FOXN3: variants seen among roughly 807,000 people sequenced by gnomAD.
FOXN3 encodes forkhead box protein N3.
FOXN3 carries 7 observed loss-of-function variants against 38.4 expected under a neutral mutation model. The ratio of observed to expected loss-of-function variants is 0.18; its 90% CI spans 0.10 to 0.34. FOXN3 has a LOEUF of 0.34. FOXN3 is among the 10% of genes least tolerant of loss of function. FOXN3 has a pLI of 1.00. For missense variants in FOXN3, 456 were observed against 613.4 expected (o/e 0.74, Z 2.71); for synonymous variants, 230 against 242.2 (o/e 0.95, Z 0.47).
chr14:89,189,387 A>G (rs943682988), intron 4 of FOXN3, among the ~76,000 whole-genome samples: 21 of 152,210 alleles, frequency 1.4e-4, no homozygotes, highest in Non-Finnish European at 2.2e-4. Context: ...AGGCCTAGCC[A>G]TAAGAAGGAG....
At chr14:89,367,756 C>T (rs1267875875) in intron 2 of FOXN3, among the ~76,000 whole-genome samples, 1 of 152,192 alleles carries the variant, frequency 6.6e-6, no homozygotes, top group Non-Finnish European at 1.5e-5. Context: ...GCAGCAACCA[C>T]GTGGAAAAGG....
chr14:89,510,532 A>T (rs574545845), intron 1 of FOXN3, among the ~76,000 whole-genome samples: 1 of 152,202 alleles, frequency 6.6e-6, no homozygotes, highest in East Asian at 1.9e-4. Context: ...CTCCGATCAC[A>T]CATGAGACCA....
intron 1 of FOXN3, among the ~76,000 whole-genome samples, chr14:89,569,136 T>C (rs940760025): frequency 4.2e-4 from 64 of 151,674 alleles, no homozygotes; most frequent in Non-Finnish European, 3.2e-4. Context: ...ACCTGGGAGG[T>C]GGAGCTTGCA....
Position 89,382,276 on chromosome 14 carries a change from C to T in FOXN3, c.543+29658G>A, listed in dbSNP as rs189643941. Among the ~76,000 whole-genome samples, 510 of 152,114 alleles carry T rather than the reference C, an allele frequency of 3.4e-3. 4 individuals carry two copies. Among genetic ancestry groups the T allele is most frequent in the Non-Finnish European group, 3.1e-3 (214 of 67,994 alleles). On this transcript the variant is annotated intron_variant, in intron 2 of 5. Coordinates refer to ENST00000557258, the MANE Select transcript of FOXN3 (RefSeq NM_005197.4). ...CCTAATTCCATCCTTCATTATAACC[C>T]GGCTGGACCGCTGACCCATCACTCT...
chr14:89,407,234 A>G (rs1891416320), intron 2 of FOXN3, among the ~76,000 whole-genome samples: 1 of 152,234 alleles, frequency 6.6e-6, no homozygotes, highest in South Asian at 2.1e-4. Flanking sequence ...CAAGTACTCT[A>G]TAGTGTAAGC....
chr14:89,229,093 G>A (rs1169906592), intron 4 of FOXN3, among the ~76,000 whole-genome samples: 1 of 152,156 alleles, frequency 6.6e-6, no homozygotes, highest in African/African-American at 2.4e-5. Context: ...TGACAAATGG[G>A]GTTTATTCCA....
intron 2 of FOXN3, among the ~76,000 whole-genome samples, chr14:89,389,773 C>A (rs1029236397): frequency 6.6e-6 from 1 of 152,164 alleles, no homozygotes; most frequent in Admixed American, 6.5e-5. Flanking sequence ...CTTAGCAAAT[C>A]CACCAGTCAT....
At chr14:89,576,470 A>G (rs973049212) in intron 1 of FOXN3, 1 of 152,080 alleles carries the variant, frequency 6.6e-6, no homozygotes, top group Non-Finnish European at 1.5e-5. Flanking sequence ...TAACACTCAG[A>G]CAAGGAAGGA....
At chr14:89,490,552 A>G (rs1337328794) in intron 1 of FOXN3, among the ~76,000 whole-genome samples, 1 of 152,126 alleles carries the variant, frequency 6.6e-6, no homozygotes, top group Non-Finnish European at 1.5e-5. Flanking sequence ...TCAGGTTTAA[A>G]ATTCTCTCCT....
intron 3 of FOXN3, among the ~76,000 whole-genome samples, chr14:89,306,144 A>G (rs955933826): frequency 1.3e-5 from 2 of 152,200 alleles, no homozygotes; most frequent in Admixed American, 6.5e-5. Flanking sequence ...GTCATTTAGA[A>G]TTCTCTGTGT....
intron 1 of FOXN3, among the ~76,000 whole-genome samples, chr14:89,474,341 C>G (rs1157042910): frequency 6.6e-6 from 1 of 152,166 alleles, no homozygotes; most frequent in African/African-American, 2.4e-5. Flanking sequence ...GCCAAAGGAC[C>G]TGCCCACCAC....
chr14:89,193,572 T>C (rs1888021042), intron 4 of FOXN3, among the ~76,000 whole-genome samples: 1 of 152,090 alleles, frequency 6.6e-6, no homozygotes. Flanking sequence ...GGGGTGTCAA[T>C]AGTTCATTCC....
chr14:89,294,303 C>T (rs1886970055), intron 3 of FOXN3, among the ~76,000 whole-genome samples: 1 of 152,164 alleles, frequency 6.6e-6, no homozygotes, highest in Non-Finnish European at 1.5e-5. Flanking sequence ...GGAGAGGTGC[C>T]CAGAGTGCTA....
At chr14:89,510,915 C>T (rs1487980900) in intron 1 of FOXN3, among the ~76,000 whole-genome samples, 1 of 152,092 alleles carries the variant, frequency 6.6e-6, no homozygotes. Flanking sequence ...TGCACTCCAG[C>T]CTGGGTGACA....
In FOXN3 at chr14:89,505,483, G is replaced by C. The variant is rs1197883999; in HGVS notation, c.-14-92993C>G. ...GTGGAGACGGGGTTTCGCTGTGTTG[G>C]CCGGGCTGGTCTCCAGCTCCTAACC... On this transcript the variant is annotated intron_variant, in intron 1 of 6. Coordinates refer to the FOXN3 transcript ENST00000345097. Among the ~76,000 whole-genome samples, 404 of 152,238 alleles carry C rather than the reference G, an allele frequency of 2.7e-3. 1 individual carries two copies. Among genetic ancestry groups the C allele is most frequent in the African/African-American group, 9.2e-3 (383 of 41,508 alleles).
chr14:89,425,375 GTT>G (rs1892004722), intron 1 of FOXN3, among the ~76,000 whole-genome samples: 1 of 142,480 alleles, frequency 7.0e-6, no homozygotes, highest in African/African-American at 2.6e-5. Context: ...GGCCTGTTTT[GTT>G]TTGTTTTTGA....
intron 3 of FOXN3, among the ~76,000 whole-genome samples, chr14:89,308,715 C>G (rs1229578395): frequency 6.6e-6 from 1 of 152,176 alleles, no homozygotes; most frequent in African/African-American, 2.4e-5. Flanking sequence ...TCAGAGTCCC[C>G]AAGACTAGAA....
At chr14:89,326,047 T>C (rs865880682) in intron 3 of FOXN3, among the ~76,000 whole-genome samples, 3 of 152,346 alleles carry the variant, frequency 2.0e-5, no homozygotes, top group African/African-American at 4.8e-5. Context: ...AGAACACTTT[T>C]ATCAATGATG....
At chr14:89,472,458 C>T (rs772939859) in intron 1 of FOXN3, among the ~76,000 whole-genome samples, 3 of 151,878 alleles carry the variant, frequency 2.0e-5, no homozygotes, top group East Asian at 1.9e-4. Context: ...CGGTGGCTCA[C>T]GCCTGTAATC....
Sources: gnomAD v4.1 joint callset for allele counts (sites outside exome capture counted in the v4.1 genomes callset) on GRCh38, gnomAD v4.1.1 for gene constraint, MANE v1.5 for transcripts, NCBI Gene and HGNC (gene_info 2026-07-23, HGNC 2026-07-21) for gene names.